EIF4G3: variants seen among roughly 807,000 people sequenced by gnomAD.
EIF4G3 encodes eukaryotic translation initiation factor 4 gamma 3.
A neutral mutation model predicts 186.4 loss-of-function variants in EIF4G3; 34 were observed. The ratio of observed to expected loss-of-function variants is 0.18; its 90% CI spans 0.14 to 0.24. EIF4G3 has a LOEUF of 0.24. Among genes scored for constraint, EIF4G3 ranks in the 10% least tolerant of loss-of-function variants. The probability of loss-of-function intolerance (pLI) is 1.00; values close to 1 mark genes in which losing one functional copy is unlikely to be tolerated. For missense variants in EIF4G3, 1,536 were observed against 1,948.5 expected (o/e 0.79, Z 3.99); for synonymous variants, 673 against 679.5 (o/e 0.99, Z 0.15).
chr1:20,900,610 C>G (rs1195861724), intron 15 of EIF4G3, among the ~76,000 whole-genome samples: 1 of 151,870 alleles, frequency 6.6e-6, no homozygotes, highest in African/African-American at 2.4e-5. Flanking sequence ...TGAAGTTATT[C>G]CCTAGATTAT....
chr1:21,133,957 T>C (rs1304090188), intron 2 of EIF4G3, among the ~76,000 whole-genome samples: 1 of 152,212 alleles, frequency 6.6e-6, no homozygotes, highest in Non-Finnish European at 1.5e-5. Flanking sequence ...GAACTGTACT[T>C]ACTGCGGAGA....
intron 2 of EIF4G3, among the ~76,000 whole-genome samples, chr1:21,163,918 C>T (rs868271836): frequency 5.3e-5 from 8 of 151,944 alleles, no homozygotes; most frequent in Non-Finnish European, 1.0e-4. Context: ...ATTACAAGCA[C>T]GTGCCACCAC....
In EIF4G3 at chr1:20,899,552, C is replaced by T. The variant is rs138456524; in HGVS notation, c.1999+145G>A. 2,660 of 991,668 alleles carry T rather than the reference C, an allele frequency of 2.7e-3. 9 individuals are homozygous for T. Among genetic ancestry groups the T allele is most frequent in the Non-Finnish European group, 3.4e-3 (2,286 of 682,226 alleles). 61.4% of individuals were successfully genotyped at this position (991,668 alleles called of 1,614,324 possible). A position where few individuals can be genotyped will look rare whatever the true frequency, so the allele number is the denominator to read the frequency against. On this transcript the variant is annotated intron_variant, in intron 16 of 36. Transcript: ENST00000602326. ...ACTCTCTGGATTTGCTAGTCACTAA[C>T]TTGGGCTTGCTGATCTGTCCTGTAA...
intron 14 of EIF4G3, among the ~76,000 whole-genome samples, chr1:20,909,759 T>A (rs1457535290): frequency 6.6e-6 from 1 of 151,934 alleles, no homozygotes; most frequent in Non-Finnish European, 1.5e-5. Flanking sequence ...GTTAAAATTC[T>A]TATATAGTCA....
At chr1:21,129,200 A>T (rs2097106494) in intron 2 of EIF4G3, among the ~76,000 whole-genome samples, 1 of 152,084 alleles carries the variant, frequency 6.6e-6, no homozygotes, top group Admixed American at 6.6e-5. Flanking sequence ...CTGTAATCCC[A>T]GCTACTCCAG....
At chr1:20,827,542 C>T (rs1475186087) in intron 32 of EIF4G3, 75 bp downstream of exon 32, 2 of 903,456 alleles carry the variant, frequency 2.2e-6, no homozygotes, top group Non-Finnish European at 3.5e-6. Flanking sequence ...CTAAGCTATT[C>T]ACAGATAACC....
chr1:21,066,690 C>T (rs1312376743), intron 3 of EIF4G3, among the ~76,000 whole-genome samples: 1 of 152,172 alleles, frequency 6.6e-6, no homozygotes, highest in African/African-American at 2.4e-5. Context: ...TCAAAGTTTA[C>T]AGTAAAAACT....
intron 7 of EIF4G3, among the ~76,000 whole-genome samples, chr1:20,985,125 C>G (rs34444635): frequency 0.027 from 4,168 of 152,270 alleles, 85 homozygotes; most frequent in Non-Finnish European, 0.038. Context: ...GAAATCTTTT[C>G]TTTACAAACA....
Position 21,113,146 on chromosome 1 carries a change from C to CAA in EIF4G3, c.-271-23935_-271-23934dup, listed in dbSNP as rs5772939. Among the ~76,000 whole-genome samples the CAA allele has an allele frequency of 1.2e-3, 64 of 51,466 alleles. 2 individuals are homozygous for CAA. Among genetic ancestry groups the CAA allele is most frequent in the South Asian group, 4.2e-3 (3 of 710 alleles). 33.8% of individuals were successfully genotyped at this position (51,466 alleles called of 152,430 possible). On this transcript the variant is annotated intron_variant, in intron 2 of 36. Transcript: ENST00000602326. Reference sequence around the variant, plus strand: ...GGCCTGGCTGATAGAGGCCCTATCTCAAAAAAAAAAAAAAAAAAAAAAAAA... The same window carrying CAA: ...GGCCTGGCTGATAGAGGCCCTATCTCAAAAAAAAAAAAAAAAAAAAAAAAAAA...
chr1:20,816,603 T>C (rs1272988783), intron 34 of EIF4G3, among the ~76,000 whole-genome samples: 2 of 62,574 alleles, frequency 3.2e-5, no homozygotes, highest in East Asian at 7.1e-4. Context: ...CCAGCCGCCC[T>C]GTCCGGGAGG....
At chr1:21,065,549 T>TAA (rs562575980) in intron 3 of EIF4G3, among the ~76,000 whole-genome samples, 3 of 145,374 alleles carry the variant, frequency 2.1e-5, no homozygotes, top group African/African-American at 7.6e-5. Flanking sequence ...AACTCTATCT[T>TAA]AAAAAAAAAA....
chr1:21,089,263 G>A (rs1386721128), intron 2 of EIF4G3, 50 bp from the exon 3 acceptor site: 6 of 708,640 alleles, frequency 8.5e-6, no homozygotes, highest in Non-Finnish European at 1.6e-5. Context: ...ATGCTTAATA[G>A]TTAGAGAAAA....
intron 15 of EIF4G3, among the ~76,000 whole-genome samples, chr1:20,901,148 T>C (rs1390288389): frequency 6.6e-6 from 1 of 151,938 alleles, no homozygotes; most frequent in African/African-American, 2.4e-5. Flanking sequence ...AGATAGTATA[T>C]AAAAACCCTC....
intron 13 of EIF4G3, among the ~76,000 whole-genome samples, chr1:20,949,748 A>C (rs1405612237): frequency 6.6e-6 from 1 of 152,196 alleles, no homozygotes; most frequent in East Asian, 1.9e-4. Context: ...GGGCAGTTTA[A>C]GGCAGCTAAC....
chr1:21,113,275 G>GTTTTC (rs2102228808), intron 2 of EIF4G3, among the ~76,000 whole-genome samples: 1 of 148,284 alleles, frequency 6.7e-6, no homozygotes, highest in African/African-American at 2.5e-5. Context: ...CTGAATTCTT[G>GTTTTC]TTTTCTTTTT....
intron 29 of EIF4G3, among the ~76,000 whole-genome samples, chr1:20,842,748 T>A (rs972301902): frequency 6.6e-6 from 1 of 152,192 alleles, no homozygotes; most frequent in African/African-American, 2.4e-5. Context: ...ACAGTCTTAG[T>A]TTGTTAAATA....
At chr1:20,869,413 T>C (rs2078490760) in intron 20 of EIF4G3, among the ~76,000 whole-genome samples, 1 of 148,578 alleles carries the variant, frequency 6.7e-6, no homozygotes, top group African/African-American at 2.5e-5. Flanking sequence ...CCTGAGTACC[T>C]GTCTCCTGAG....
chr1:21,017,674 C>T (rs2089584324), intron 4 of EIF4G3, among the ~76,000 whole-genome samples: 1 of 147,800 alleles, frequency 6.8e-6, no homozygotes, highest in Admixed American at 6.7e-5. Context: ...TGTCCTTAAT[C>T]CAAATGCTCC....
Position 21,141,414 on chromosome 1 carries a change from T to TA in EIF4G3, c.-272+34760dup, listed in dbSNP as rs1413557243. Among the ~76,000 whole-genome samples the TA allele has an allele frequency of 8.5e-3, 1,098 of 129,910 alleles. 3 individuals are homozygous for TA. Among genetic ancestry groups the TA allele is most frequent in the African/African-American group, 0.016 (557 of 35,302 alleles). The allele number at this position is 129,910 out of a possible 152,430, so 85.2% of individuals were successfully genotyped here. ...GTGTGTGTGTATGTGTAGTTCTATG[T>TA]AAAAAAAAAAAGTGTGAGAAAGATT... is the stretch of plus-strand genomic sequence containing the variant. On this transcript the variant is annotated intron_variant, in intron 2 of 36. Coordinates refer to ENST00000602326, the MANE Select transcript of EIF4G3 (RefSeq NM_001391906.1).
Sources: gnomAD v4.1 joint callset for allele counts (sites outside exome capture counted in the v4.1 genomes callset) on GRCh38, gnomAD v4.1.1 for gene constraint, MANE v1.5 for transcripts, NCBI Gene and HGNC (gene_info 2026-07-23, HGNC 2026-07-21) for gene names.